Variants in NEDD4 observed in about 807,000 individuals in gnomAD.
NEDD4 encodes the protein NEDD4 E3 ubiquitin protein ligase, also known as E3 ubiquitin-protein ligase NEDD4.
In NEDD4, 99 loss-of-function variants were observed where a neutral mutation model predicts 144.9. The ratio of observed to expected loss-of-function variants is 0.68; its 90% CI spans 0.58 to 0.81. The LOEUF is 0.81. NEDD4 is among the 30% of genes least tolerant of loss of function. NEDD4 has a pLI of 0.00. For missense variants in NEDD4, 985 were observed against 1,065.9 expected, an observed-to-expected ratio of 0.92 and a Z score of 1.06; for synonymous variants, 318 against 350.6, an observed-to-expected ratio of 0.91 and a Z score of 1.04.
intron 13 of NEDD4, among the ~76,000 whole-genome samples, chr15:55,851,376 T>A (rs1231092675): frequency 6.6e-6 from 1 of 151,212 alleles, no homozygotes; most frequent in African/African-American, 2.4e-5. Flanking sequence ...AATGCAAAGT[T>A]TTTTTTTTAT....
intron 5 of NEDD4, among the ~76,000 whole-genome samples, chr15:55,882,015 C>G (rs1242146368): frequency 6.6e-6 from 1 of 152,138 alleles, no homozygotes; most frequent in East Asian, 1.9e-4. Flanking sequence ...TCATTAAGAA[C>G]CACTGCTACA....
At chr15:55,859,952 A>T (rs1305882179) in intron 11 of NEDD4, among the ~76,000 whole-genome samples, 1 of 152,192 alleles carries the variant, frequency 6.6e-6, no homozygotes, top group Non-Finnish European at 1.5e-5. Flanking sequence ...CACTACAGAT[A>T]AGATTTGAGA....
intron 4 of NEDD4, among the ~76,000 whole-genome samples, chr15:55,948,792 C>T (rs1357260042): frequency 2.6e-4 from 40 of 152,246 alleles, no homozygotes; most frequent in African/African-American, 9.6e-4. Flanking sequence ...ACACCTTATA[C>T]AAAAATTAAT....
At chr15:55,876,935 G>A (rs918744149) in intron 5 of NEDD4, among the ~76,000 whole-genome samples, 1 of 150,824 alleles carries the variant, frequency 6.6e-6, no homozygotes. Flanking sequence ...AAACTCCTGG[G>A]CTCAAGCGAG....
intron 12 of NEDD4, among the ~76,000 whole-genome samples, chr15:55,854,076 A>G (rs1427980818): frequency 6.6e-6 from 1 of 151,998 alleles, no homozygotes; most frequent in Admixed American, 6.6e-5. Flanking sequence ...ACTTGAACCC[A>G]GGAGGCAGAG....
chr15:55,933,444 C>T (rs1374498345), intron 4 of NEDD4, among the ~76,000 whole-genome samples: 1 of 150,022 alleles, frequency 6.7e-6, no homozygotes, highest in Non-Finnish European at 1.5e-5. Context: ...AAACCAAACA[C>T]CGCATGTTCT....
chr15:55,918,553 G>C (rs1194364413), intron 5 of NEDD4, among the ~76,000 whole-genome samples: 2 of 149,898 alleles, frequency 1.3e-5, no homozygotes, highest in Non-Finnish European at 3.0e-5. Context: ...CTAAGTAAAA[G>C]CAAATATGTA....
rs745372399 is a variant in NEDD4, at chr15:55,852,463, G to A, written c.1107C>T (p.His369=). Residue 369 remains histidine (H), a synonymous_variant, in exon 13 of 29, where the codon CAC becomes CAT. Transcript: ENST00000435532. ...DERGRSYYVD[H]NSRTTTWTKP... ...TTGTCCAAGTAGTCGTTCTGGAATT[G>A]TGATCTACATAATATGATCTTCCTC... 2.5e-6 allele frequency: 4 copies of A among 1,612,612 alleles called. No homozygotes were observed. The highest frequency in any genetic ancestry group is 2.2e-5 in the East Asian group (1 of 44,814).
At chr15:55,936,837 G>C (rs1327904278) in intron 4 of NEDD4, among the ~76,000 whole-genome samples, 3 of 150,182 alleles carry the variant, frequency 2.0e-5, no homozygotes, top group Non-Finnish European at 4.4e-5. Flanking sequence ...TTGTCACCCA[G>C]GCTGGAGCAC....
intron 4 of NEDD4, among the ~76,000 whole-genome samples, chr15:55,940,771 C>T (rs1287443271): frequency 6.6e-6 from 1 of 151,926 alleles, no homozygotes; most frequent in Non-Finnish European, 1.5e-5. Context: ...GGGGGCCCAC[C>T]CTGGCCTCTC....
chr15:55,877,699 T>C (rs955813886), intron 5 of NEDD4, among the ~76,000 whole-genome samples: 1 of 152,142 alleles, frequency 6.6e-6, no homozygotes, highest in African/African-American at 2.4e-5. Context: ...CCATTTCCAT[T>C]ATTCTTTTTA....
At chr15:55,854,599 T>C (rs2034121113) in intron 12 of NEDD4, among the ~76,000 whole-genome samples, 1 of 152,128 alleles carries the variant, frequency 6.6e-6, no homozygotes, top group African/African-American at 2.4e-5. Context: ...AGATGAGCGG[T>C]TGCTTGCAAC....
At chr15:55,924,856 T>C (rs2036633444) in intron 4 of NEDD4, among the ~76,000 whole-genome samples, 157 bp from the exon 5 acceptor site, 1 of 152,258 alleles carries the variant, frequency 6.6e-6, no homozygotes, top group Non-Finnish European at 1.5e-5. Context: ...TCGCCTGATG[T>C]CAGGAGTTCG....
At chr15:55,952,163 C>A (rs1293017430) in intron 2 of NEDD4, among the ~76,000 whole-genome samples, 4 of 151,038 alleles carry the variant, frequency 2.6e-5, no homozygotes, top group African/African-American at 7.3e-5. Context: ...CCCGTCTCTA[C>A]TAAAAATACA....
intron 5 of NEDD4, among the ~76,000 whole-genome samples, chr15:55,923,622 G>A (rs1483513628): frequency 5.0e-5 from 7 of 141,094 alleles, no homozygotes; most frequent in African/African-American, 1.8e-4. Context: ...GCTCCCACCT[G>A]GCGACAAAGC....
At chr15:55,832,420 T>C (rs2032994860) in intron 27 of NEDD4, among the ~76,000 whole-genome samples, 1 of 152,084 alleles carries the variant, frequency 6.6e-6, no homozygotes, top group Non-Finnish European at 1.5e-5. Flanking sequence ...AAGTAATGCT[T>C]TTTCTTTTTT....
chr15:55,877,121 A>G (rs1184358229), intron 5 of NEDD4, among the ~76,000 whole-genome samples: 7 of 152,238 alleles, frequency 4.6e-5, no homozygotes, highest in African/African-American at 1.4e-4. Context: ...TAACCATATT[A>G]TGATGATCAA....
chr15:55,860,330 T>A, intron 11 of NEDD4, 77 bp downstream of exon 11: 7 of 1,434,398 alleles, frequency 4.9e-6, no homozygotes, highest in Non-Finnish European at 5.7e-6. Context: ...AAATTTTACA[T>A]AAAAGTTAGT....
intron 2 of NEDD4, among the ~76,000 whole-genome samples, chr15:55,956,995 T>C (rs1164348603): frequency 1.3e-5 from 2 of 152,256 alleles, no homozygotes; most frequent in African/African-American, 4.8e-5. Flanking sequence ...TAGTTTTCAG[T>C]GTCCATTTAT....
Sources: allele counts gnomAD v4.1 joint callset (sites outside exome capture counted in the v4.1 genomes callset), GRCh38; gene constraint gnomAD v4.1.1; transcripts MANE v1.5; gene names NCBI Gene and HGNC (gene_info 2026-07-23, HGNC 2026-07-21).